The following CDH13 variants were observed in gnomAD, a reference collection of about 807,000 sequenced individuals.
CDH13 encodes the protein cadherin 13, also known as cadherin-13.
CDH13 carries 24 observed loss-of-function variants against 63.8 expected under a neutral mutation model. The ratio of observed to expected loss-of-function variants is 0.38; its 90% confidence interval spans 0.27 to 0.53. The LOEUF is 0.53. Ranked by LOEUF, CDH13 falls within the 20% of genes least tolerant of loss-of-function variation. CDH13 has a pLI of 0.85. For synonymous variants in CDH13, 503 were observed against 355.3 expected, an observed-to-expected ratio of 1.42 and a Z score of -4.67; for missense variants, 1,049 against 903.1, an observed-to-expected ratio of 1.16 and a Z score of -2.07.
intron 9 of CDH13, among the ~76,000 whole-genome samples, chr16:83,674,843 A>G (rs1216624359): frequency 1.3e-5 from 2 of 152,212 alleles, no homozygotes; most frequent in East Asian, 3.8e-4. Context: ...AGCTGAATAT[A>G]ATCAACCCTA....
At chr16:83,203,829 T>C (rs2039103515) in intron 4 of CDH13, among the ~76,000 whole-genome samples, 1 of 151,642 alleles carries the variant, frequency 6.6e-6, no homozygotes, top group Non-Finnish European at 1.5e-5. Context: ...AGCAAGAGAG[T>C]AAGCATGTAT....
At chr16:82,955,129 C>G (rs1905876567) in intron 2 of CDH13, among the ~76,000 whole-genome samples, 1 of 152,132 alleles carries the variant, frequency 6.6e-6, no homozygotes, top group Non-Finnish European at 1.5e-5. Context: ...ATGCACCTAC[C>G]TAGGATTAGA....
intron 5 of CDH13, among the ~76,000 whole-genome samples, chr16:83,241,140 T>C (rs1904404554): frequency 6.6e-6 from 1 of 152,208 alleles, no homozygotes; most frequent in Non-Finnish European, 1.5e-5. Flanking sequence ...GGTTCATCTA[T>C]GTAGTCTCAT....
At chr16:82,802,927 C>G (rs150793034) in intron 1 of CDH13, among the ~76,000 whole-genome samples, 1 of 152,254 alleles carries the variant, frequency 6.6e-6, no homozygotes, top group East Asian at 1.9e-4. Flanking sequence ...TGAAATAAAT[C>G]CCACCCACTA....
intron 4 of CDH13, among the ~76,000 whole-genome samples, chr16:83,135,782 A>G (rs372956842): frequency 1.1e-4 from 17 of 152,238 alleles, no homozygotes; most frequent in African/African-American, 2.9e-4. Flanking sequence ...ATGCCCATCA[A>G]TCCACAAGTG....
intron 1 of CDH13, among the ~76,000 whole-genome samples, chr16:82,781,343 G>A (rs2035744842): frequency 6.6e-6 from 1 of 152,090 alleles, no homozygotes; most frequent in Non-Finnish European, 1.5e-5. Context: ...CTGCTTGCTG[G>A]TGGTTCAGGT....
intron 8 of CDH13, among the ~76,000 whole-genome samples, chr16:83,603,156 A>G (rs1908009986): frequency 6.6e-6 from 1 of 152,180 alleles, no homozygotes; most frequent in Non-Finnish European, 1.5e-5. Flanking sequence ...ATGTTTGGGG[A>G]AGGGCTGAGT....
At chr16:83,035,451 T>G (rs1003829692) in intron 3 of CDH13, among the ~76,000 whole-genome samples, 1 of 152,154 alleles carries the variant, frequency 6.6e-6, no homozygotes, top group Non-Finnish European at 1.5e-5. Context: ...TCACGTAACC[T>G]CCTTAGCAAC....
At chr16:83,683,407 C>T (rs954335403) in intron 10 of CDH13, among the ~76,000 whole-genome samples, 1 of 152,308 alleles carries the variant, frequency 6.6e-6, no homozygotes, top group East Asian at 1.9e-4. Context: ...CCCTTTTCCA[C>T]AGCTTGGATC....
chr16:82,978,040 A>G (rs1405517676), intron 2 of CDH13, among the ~76,000 whole-genome samples: 2 of 152,162 alleles, frequency 1.3e-5, no homozygotes, highest in East Asian at 3.9e-4. Flanking sequence ...ATGTTTTAGC[A>G]CAGGGACTGG....
At chr16:83,725,495 G>A (rs764156767) in intron 10 of CDH13, 16 of 152,506 alleles carry the variant, frequency 1.0e-4, no homozygotes, top group Non-Finnish European at 1.8e-4. Context: ...GTGGGCACAG[G>A]ATCTCTGCCG....
intron 7 of CDH13, among the ~76,000 whole-genome samples, chr16:83,590,936 GT>G (rs1906682384): frequency 8.3e-6 from 1 of 119,944 alleles, no homozygotes; most frequent in Non-Finnish European, 1.7e-5. Flanking sequence ...TTGAGAGGGA[GT>G]TTCGCTCTCG....
chr16:83,120,935 T>C (rs2035541457), intron 3 of CDH13, among the ~76,000 whole-genome samples: 1 of 151,982 alleles, frequency 6.6e-6, no homozygotes, highest in Admixed American at 6.6e-5. Context: ...AGCTAATTTT[T>C]GTATTTTTGG....
At chr16:83,667,434 C>G (rs954583097) in intron 8 of CDH13, among the ~76,000 whole-genome samples, 1 of 151,794 alleles carries the variant, frequency 6.6e-6, no homozygotes, top group Non-Finnish European at 1.5e-5. Context: ...CCATCCACCA[C>G]CCACCCATCC....
chr16:82,960,586 T>A (rs1479028650), intron 2 of CDH13, among the ~76,000 whole-genome samples: 1 of 152,238 alleles, frequency 6.6e-6, no homozygotes, highest in African/African-American at 2.4e-5. Flanking sequence ...TCAAGAACAA[T>A]CTTTTTTCAC....
intron 10 of CDH13, among the ~76,000 whole-genome samples, chr16:83,706,648 T>G (rs757110157): frequency 7.2e-5 from 11 of 152,144 alleles, no homozygotes; most frequent in Non-Finnish European, 1.5e-4. Context: ...TTGCAAGCCA[T>G]GGAAACCAAA....
At chr16:83,022,115 G>C (rs1915398735) in intron 2 of CDH13, among the ~76,000 whole-genome samples, 1 of 152,230 alleles carries the variant, frequency 6.6e-6, no homozygotes, top group Admixed American at 6.5e-5. Context: ...CTGGATGCCA[G>C]TGGCATACTG....
At chr16:83,580,866 A>T (rs1905529879) in intron 7 of CDH13, among the ~76,000 whole-genome samples, 1 of 152,102 alleles carries the variant, frequency 6.6e-6, no homozygotes, top group Admixed American at 6.6e-5. Context: ...GTTGGAGTTA[A>T]TTGTAAGTAG....
chr16:83,155,684 G>C (rs1169650340), intron 4 of CDH13, among the ~76,000 whole-genome samples: 1 of 152,114 alleles, frequency 6.6e-6, no homozygotes, highest in Non-Finnish European at 1.5e-5. Context: ...GGCTAGATAT[G>C]GAAGAGATAT....
Sources: gnomAD v4.1 joint callset for allele counts (sites outside exome capture counted in the v4.1 genomes callset) on GRCh38, gnomAD v4.1.1 for gene constraint, MANE v1.5 for transcripts, NCBI Gene and HGNC (gene_info 2026-07-23, HGNC 2026-07-21) for gene names.